PRKCB: variants seen among roughly 807,000 people sequenced by gnomAD.
PRKCB encodes the protein protein kinase C beta type.
A neutral mutation model predicts 81.5 loss-of-function variants in PRKCB; 13 were observed. The ratio of observed to expected loss-of-function variants is 0.16; its 90% CI spans 0.10 to 0.25. The LOEUF is 0.25. PRKCB is among the 10% of genes least tolerant of loss of function. PRKCB has a pLI of 1.00. For synonymous variants in PRKCB, 335 were observed against 321.4 expected (o/e 1.04, Z -0.45); for missense variants, 509 against 875.7 (o/e 0.58, Z 5.29).
At chr16:24,095,520 A>G (rs1419757155) in intron 7 of PRKCB, among the ~76,000 whole-genome samples, 1 of 152,196 alleles carries the variant, frequency 6.6e-6, no homozygotes, top group South Asian at 2.1e-4. Context: ...CAAGTTCTAC[A>G]GTAGTGATGT....
At chr16:24,071,132 C>T (rs1404677959) in intron 5 of PRKCB, among the ~76,000 whole-genome samples, 1 of 152,112 alleles carries the variant, frequency 6.6e-6, no homozygotes, top group Non-Finnish European at 1.5e-5. Context: ...GACTTGGATG[C>T]TGCTCTTGGG....
In PRKCB at chr16:23,836,141, C is replaced by G. The variant is rs1962148822; in HGVS notation, c.-35C>G. ...GCCCGCGGTCCCGCGGCCCCGGGGCCGGCACCTCTCGGGCTCCGGCTCCCC... is the reference window on the plus strand; with the variant it reads ...GCCCGCGGTCCCGCGGCCCCGGGGCGGGCACCTCTCGGGCTCCGGCTCCCC... On this transcript the variant is annotated 5_prime_UTR_variant, in exon 1 of 17. Coordinates refer to ENST00000643927, the MANE Select transcript of PRKCB (RefSeq NM_002738.7). The G allele has an allele frequency of 7.2e-7, 1 of 1,383,802 alleles. No individual in the cohort carries two copies. The highest frequency in any genetic ancestry group is 3.7e-5 in the Admixed American group (1 of 27,396). 85.7% of individuals were successfully genotyped at this position (1,383,802 alleles called of 1,614,324 possible). A position where few individuals can be genotyped will look rare whatever the true frequency, so the allele number is the denominator to read the frequency against.
At chr16:23,853,029 C>T (rs1384933327) in intron 2 of PRKCB, among the ~76,000 whole-genome samples, 4 of 152,198 alleles carry the variant, frequency 2.6e-5, no homozygotes, top group African/African-American at 7.2e-5. Flanking sequence ...CTTTGGGGAA[C>T]ATCTGCTTCC....
At chr16:24,035,156 G>A (rs1425884350) in intron 4 of PRKCB, among the ~76,000 whole-genome samples, 2 of 152,216 alleles carry the variant, frequency 1.3e-5, no homozygotes, top group Non-Finnish European at 2.9e-5. Flanking sequence ...GGTGTGGGGT[G>A]TGCTTGCTTC....
chr16:24,175,866 G>A (rs1309416553), intron 12 of PRKCB, among the ~76,000 whole-genome samples: 1 of 151,656 alleles, frequency 6.6e-6, no homozygotes, highest in Non-Finnish European at 1.5e-5. Flanking sequence ...TAGCTACTCA[G>A]GAGGCTGAGG....
Position 24,219,229 on chromosome 16 carries a change from G to A in PRKCB, c.*4413G>A, listed in dbSNP as rs1404626363. On this transcript the variant is annotated 3_prime_UTR_variant, in exon 17 of 17. Transcript: ENST00000643927. ...AAATGCCAGACTTACTAGGAGAATCGAGTTGCTTTGAGTTTCTTTTGTTTT... is the reference window on the plus strand; with the variant it reads ...AAATGCCAGACTTACTAGGAGAATCAAGTTGCTTTGAGTTTCTTTTGTTTT... The A allele has an allele frequency of 5.5e-6, 5 of 910,744 alleles. No homozygotes were observed. The highest frequency in any genetic ancestry group is 1.4e-4 in the Admixed American group (2 of 14,320). 56.4% of individuals were successfully genotyped at this position (910,744 alleles called of 1,614,324 possible). A position where few individuals can be genotyped will look rare whatever the true frequency, so the allele number is the denominator to read the frequency against.
chr16:23,977,889 G>A (rs1964646220), intron 2 of PRKCB, among the ~76,000 whole-genome samples: 1 of 152,030 alleles, frequency 6.6e-6, no homozygotes, highest in Admixed American at 6.6e-5. Context: ...CAGCTGCAAT[G>A]AGTGGTTTCC....
At chr16:24,175,369 T>C (rs1967512013) in intron 12 of PRKCB, among the ~76,000 whole-genome samples, 1 of 151,722 alleles carries the variant, frequency 6.6e-6, no homozygotes, top group African/African-American at 2.4e-5. Context: ...ATTTATCAAA[T>C]CCTACTATAT....
At chr16:23,896,298 T>G (rs1963378292) in intron 2 of PRKCB, among the ~76,000 whole-genome samples, 1 of 152,200 alleles carries the variant, frequency 6.6e-6, no homozygotes, top group Non-Finnish European at 1.5e-5. Flanking sequence ...ACTTTTTATG[T>G]TTTTTGGACC....
chr16:24,052,895 G>C (rs533321212), intron 5 of PRKCB, among the ~76,000 whole-genome samples: 3 of 152,234 alleles, frequency 2.0e-5, no homozygotes, highest in Admixed American at 6.5e-5. Flanking sequence ...AGCCCAGTAG[G>C]TCTCAGCCTT....
intron 2 of PRKCB, among the ~76,000 whole-genome samples, chr16:23,874,778 C>A (rs1382047829): frequency 6.6e-6 from 1 of 152,110 alleles, no homozygotes; most frequent in Non-Finnish European, 1.5e-5. Flanking sequence ...TTTTGGCAGC[C>A]CTCTCAGACT....
chr16:24,046,829 G>A (rs1364861499), intron 5 of PRKCB, among the ~76,000 whole-genome samples: 1 of 152,204 alleles, frequency 6.6e-6, no homozygotes, highest in Admixed American at 6.5e-5. Flanking sequence ...CATCATGCAA[G>A]GTCAGTGTGT....
intron 5 of PRKCB, among the ~76,000 whole-genome samples, chr16:24,078,298 C>T (rs1325739959): frequency 3.3e-5 from 5 of 152,236 alleles, no homozygotes; most frequent in Non-Finnish European, 7.3e-5. Context: ...TTACTCAGCA[C>T]CCAAGCAAGG....
intron 5 of PRKCB, among the ~76,000 whole-genome samples, chr16:24,090,465 G>A: frequency 6.6e-6 from 1 of 152,096 alleles, no homozygotes; most frequent in East Asian, 1.9e-4. Flanking sequence ...AGAAAGGACA[G>A]GTATTTGAAT....
intron 7 of PRKCB, among the ~76,000 whole-genome samples, chr16:24,094,809 G>GAGGAAGGAAGGAAGGAAGGA (rs71154277): frequency 1.7e-5 from 2 of 116,650 alleles, no homozygotes; most frequent in East Asian, 2.4e-4. Context: ...GGAAGGGAGG[G>GAGGAAGGAAGGAAGGAAGGA]AGGAAGGAAG....
chr16:24,206,562 C>G (rs560209468), intron 16 of PRKCB, among the ~76,000 whole-genome samples: 151 of 152,244 alleles, frequency 9.9e-4, no homozygotes, highest in Non-Finnish European at 2.0e-3. Flanking sequence ...TTGTCCATGC[C>G]CTCTTTTTAC....
chr16:23,836,798 C>T (rs557950309), intron 1 of PRKCB, among the ~76,000 whole-genome samples: 1 of 149,592 alleles, frequency 6.7e-6, no homozygotes, highest in African/African-American at 2.5e-5. Context: ...GTGTCCTTCT[C>T]TATCTCCCTG....
rs34117735 is a variant in PRKCB at position 23,950,132 on chromosome 16, A to ATTTTT, written c.206-38354_206-38350dup. On this transcript the variant is annotated intron_variant, in intron 2 of 16. Coordinates refer to ENST00000643927, the MANE Select transcript of PRKCB (RefSeq NM_002738.7). ...AGCAGCATTGGCCCCTATGATTTGA[A>ATTTTT]TTTTTTTTTTTTTTTTTTTTTTTTT... 8.1e-3 allele frequency among the ~76,000 whole-genome samples: 789 copies of ATTTTT among 97,682 alleles called. 42 individuals carry two copies. Among genetic ancestry groups the ATTTTT allele is most frequent in the African/African-American group, 0.031 (744 of 24,054 alleles). The allele number at this position is 97,682 out of a possible 152,430, so 64.1% of individuals were successfully genotyped here. A position where few individuals can be genotyped will look rare whatever the true frequency, so the allele number is the denominator to read the frequency against.
intron 2 of PRKCB, among the ~76,000 whole-genome samples, chr16:23,922,205 T>G (rs1342573117): frequency 6.6e-6 from 1 of 152,206 alleles, no homozygotes; most frequent in Non-Finnish European, 1.5e-5. Flanking sequence ...CCTACAGAAA[T>G]TAGGCAGGAG....
Sources: gnomAD v4.1 joint callset for allele counts (sites outside exome capture counted in the v4.1 genomes callset) on GRCh38, gnomAD v4.1.1 for gene constraint, MANE v1.5 for transcripts, NCBI Gene and HGNC (gene_info 2026-07-23, HGNC 2026-07-21) for gene names.